Variants in NOL4 observed in about 807,000 individuals in gnomAD.
The protein encoded by NOL4 is cancer/testis antigen 125.
In NOL4, 17 loss-of-function variants were observed where a neutral mutation model predicts 75.9. The observed-to-expected ratio is 0.22, with a 90% CI of 0.15 to 0.34. NOL4 has a LOEUF of 0.34. Among genes scored for constraint, NOL4 ranks in the 10% least tolerant of loss-of-function variants. The probability of loss-of-function intolerance (pLI) is 1.00; values close to 1 mark genes in which losing one functional copy is unlikely to be tolerated. For synonymous variants in NOL4, 292 were observed against 289.9 expected (o/e 1.01, Z -0.07); for missense variants, 614 against 793.5 (o/e 0.77, Z 2.72).
intron 6 of NOL4, among the ~76,000 whole-genome samples, chr18:33,965,195 T>C: frequency 6.6e-6 from 1 of 152,134 alleles, no homozygotes; most frequent in Admixed American, 6.6e-5. Context: ...TTTAAAATAC[T>C]ATAGAAGGTC....
At chr18:34,080,365 C>T (rs900713620) in intron 5 of NOL4, among the ~76,000 whole-genome samples, 1 of 152,200 alleles carries the variant, frequency 6.6e-6, no homozygotes, top group Non-Finnish European at 1.5e-5. Flanking sequence ...ATTTTGCACA[C>T]TGCTGAATCT....
intron 5 of NOL4, among the ~76,000 whole-genome samples, chr18:34,084,548 T>G (rs1169432998): frequency 6.6e-6 from 1 of 152,198 alleles, no homozygotes; most frequent in Non-Finnish European, 1.5e-5. Context: ...TTATTGTATT[T>G]CAAATACTGT....
At chr18:33,881,142 T>C (rs1288490297) in intron 10 of NOL4, among the ~76,000 whole-genome samples, 1 of 151,548 alleles carries the variant, frequency 6.6e-6, no homozygotes, top group Non-Finnish European at 1.5e-5. Context: ...GAATGGGAGT[T>C]CACTCATGAT....
At chr18:34,207,754 C>T (rs963923314) in intron 1 of NOL4, among the ~76,000 whole-genome samples, 18 of 152,108 alleles carry the variant, frequency 1.2e-4, no homozygotes, top group Admixed American at 3.3e-4. Flanking sequence ...AGGCCATCTC[C>T]AGGAACATGT....
chr18:33,871,139 A>T (rs1251430608), intron 10 of NOL4, among the ~76,000 whole-genome samples: 6 of 152,130 alleles, frequency 3.9e-5, no homozygotes, highest in African/African-American at 1.4e-4. Context: ...TTAAAAATTA[A>T]CTTGTGCCTT....
At chr18:33,869,261 C>T (rs982660131) in intron 10 of NOL4, among the ~76,000 whole-genome samples, 1 of 151,690 alleles carries the variant, frequency 6.6e-6, no homozygotes, top group Non-Finnish European at 1.5e-5. Flanking sequence ...AAGTTTGATC[C>T]ATTTGTTTTT....
chr18:33,998,018 G>T (rs1167076868), intron 6 of NOL4, among the ~76,000 whole-genome samples: 1 of 151,842 alleles, frequency 6.6e-6, no homozygotes, highest in Non-Finnish European at 1.5e-5. Context: ...GTTAAAGAAA[G>T]CAGTCATAAA....
chr18:34,096,631 T>C (rs913616549), intron 4 of NOL4, among the ~76,000 whole-genome samples: 1 of 152,110 alleles, frequency 6.6e-6, no homozygotes, highest in African/African-American at 2.4e-5. Context: ...AAAATCTATT[T>C]TGTTTGACAA....
intron 5 of NOL4, among the ~76,000 whole-genome samples, chr18:34,071,878 G>A (rs955769327): frequency 2.0e-5 from 3 of 152,128 alleles, no homozygotes; most frequent in African/African-American, 7.2e-5. Context: ...AGGGGGGAAT[G>A]TACCTAACTA....
chr18:34,163,318 A>C (rs2031817924), intron 1 of NOL4, among the ~76,000 whole-genome samples: 1 of 151,794 alleles, frequency 6.6e-6, no homozygotes, highest in Non-Finnish European at 1.5e-5. Context: ...TTTGCAGATG[A>C]CATGATTGTA....
At chr18:34,220,201 T>C (rs185113586) in intron 1 of NOL4, among the ~76,000 whole-genome samples, 15 of 152,322 alleles carry the variant, frequency 9.8e-5, no homozygotes, top group African/African-American at 2.2e-4. Context: ...TCTGTTCTAG[T>C]ATAACCTCCC....
intron 6 of NOL4, among the ~76,000 whole-genome samples, chr18:33,976,519 T>C (rs17747868): frequency 0.39 from 59,524 of 152,016 alleles, 12,127 homozygotes; most frequent in African/African-American, 0.44. Context: ...ACTTCATCTT[T>C]TGATACCTCA....
At chr18:34,214,451 AG>A (rs2146588164) in intron 1 of NOL4, among the ~76,000 whole-genome samples, 1 of 152,322 alleles carries the variant, frequency 6.6e-6, no homozygotes, top group East Asian at 1.9e-4. Context: ...CAAGGGCCTT[AG>A]AATCCAAATG....
intron 1 of NOL4, among the ~76,000 whole-genome samples, chr18:34,218,524 T>C (rs1250476389): frequency 6.6e-5 from 10 of 152,214 alleles, no homozygotes; most frequent in Admixed American, 5.9e-4. Flanking sequence ...CCTTTACTAC[T>C]GGTCCCCACT....
chr18:34,128,248 A>T (rs1375571130), intron 2 of NOL4, among the ~76,000 whole-genome samples: 1 of 151,894 alleles, frequency 6.6e-6, no homozygotes, highest in Non-Finnish European at 1.5e-5. Flanking sequence ...ACCTAAACAG[A>T]TTTGGCTGCC....
intron 9 of NOL4, among the ~76,000 whole-genome samples, chr18:33,909,659 C>A (rs1342163376): frequency 6.6e-6 from 1 of 152,018 alleles, no homozygotes; most frequent in Non-Finnish European, 1.5e-5. Context: ...CTTATACAGT[C>A]TAATTTTGTT....
intron 5 of NOL4, among the ~76,000 whole-genome samples, chr18:34,034,172 C>T (rs78725837): frequency 6.6e-6 from 1 of 151,946 alleles, no homozygotes; most frequent in Admixed American, 6.6e-5. Flanking sequence ...CTACAGAAAA[C>T]CACCAAACCA....
intron 3 of NOL4, 29 bp from the exon 4 acceptor site, chr18:34,104,188 G>T (rs774062831): frequency 5.4e-6 from 7 of 1,287,332 alleles, no homozygotes; most frequent in Non-Finnish European, 7.9e-6. Context: ...AATGGGTAAT[G>T]AAAGTAATAC....
intron 5 of NOL4, among the ~76,000 whole-genome samples, chr18:34,038,304 G>A (rs928867332): frequency 6.6e-6 from 1 of 152,026 alleles, no homozygotes; most frequent in East Asian, 1.9e-4. Flanking sequence ...ATGTAAATTA[G>A]TACAAGCACT....
Sources: gnomAD v4.1 joint callset for allele counts (sites outside exome capture counted in the v4.1 genomes callset) on GRCh38, gnomAD v4.1.1 for gene constraint, MANE v1.5 for transcripts, NCBI Gene and HGNC (gene_info 2026-07-23, HGNC 2026-07-21) for gene names.